Variants in OR6C74 observed in about 807,000 individuals in gnomAD.
OR6C74 encodes the protein olfactory receptor 6C74.
For missense variants in OR6C74, 361 were observed against 362.9 expected (o/e 0.99, Z 0.04); for synonymous variants, 142 against 134.2 (o/e 1.06, Z -0.40).
chr12:55,255,204 G>C lies in OR6C74; in HGVS notation c.*6978G>C, dbSNP rs1458414194. On this transcript the variant is annotated 3_prime_UTR_variant, in exon 2 of 2. Coordinates refer to ENST00000343399, the MANE Select transcript of OR6C74 (RefSeq NM_001005490.2). ...CCTAAGTTCAGGATTTCACAGTTGT[G>C]TTACAGACTGATTGTGTCTGCTCTA... is the stretch of plus-strand genomic sequence containing the variant. Among the ~76,000 whole-genome samples the C allele has an allele frequency of 6.6e-6, 1 of 151,980 alleles. No individual in the cohort carries two copies. The highest frequency in any genetic ancestry group is 1.9e-4 in the East Asian group (1 of 5,158).
intron 1 of OR6C74, among the ~76,000 whole-genome samples, chr12:55,245,500 A>G (rs1164869044): frequency 6.6e-6 from 1 of 152,068 alleles, no homozygotes. Context: ...TCATATCCCA[A>G]AGGAATCTAT....
Position 55,251,728 on chromosome 12 carries a change from C to T in OR6C74, c.*3502C>T, listed in dbSNP as rs1007967030. Among the ~76,000 whole-genome samples, 4 of 151,518 alleles carry T rather than the reference C, an allele frequency of 2.6e-5. No individual in the cohort carries two copies. The highest frequency in any genetic ancestry group is 4.8e-5 in the African/African-American group (2 of 41,320). ...TTCAATTGTATGATACAATAAAGTC[C>T]CATTGTATCATACATATCTCAAAAA... is the stretch of plus-strand genomic sequence containing the variant. On this transcript the variant is annotated 3_prime_UTR_variant, in exon 2 of 2. Coordinates refer to ENST00000343399, the MANE Select transcript of OR6C74 (RefSeq NM_001005490.2).
At position 55,251,610 on chromosome 12, in the gene OR6C74, A is replaced by G. The variant is rs531650644; in HGVS notation, c.*3384A>G. 6.6e-6 allele frequency among the ~76,000 whole-genome samples: 1 copy of G among 151,956 alleles called. No individual in the cohort carries two copies. Among genetic ancestry groups the G allele is most frequent in the South Asian group, 2.1e-4 (1 of 4,832 alleles). On this transcript the variant is annotated 3_prime_UTR_variant, in exon 2 of 2. Transcript: ENST00000343399. Reference sequence around the variant, plus strand: ...TACTATAAAATAATTAATAGATTGGACTTGATGACAGGCAATATGAAAAAA... The same window carrying G: ...TACTATAAAATAATTAATAGATTGGGCTTGATGACAGGCAATATGAAAAAA...
rs1188593402 is a variant in OR6C74 at position 55,251,183 on chromosome 12, T to C, written c.*2957T>C. 6.6e-6 allele frequency among the ~76,000 whole-genome samples: 1 copy of C among 152,120 alleles called. No individual in the cohort carries two copies. The highest frequency in any genetic ancestry group is 1.5e-5 in the Non-Finnish European group (1 of 67,992). On this transcript the variant is annotated 3_prime_UTR_variant, in exon 2 of 2. Transcript: ENST00000343399. ...TAAGTATATTGCAAAACTTGTGTGC[T>C]GTCACGTATATTGAATGCCTGCCCA...
chr12:55,252,834 T>G lies in OR6C74; in HGVS notation c.*4608T>G, dbSNP rs1048113817. ...ATTCTCTTCAATGTGTCTTTTAAAA[T>G]ACTTTACATAAGAAATTCTGATTCT... On this transcript the variant is annotated 3_prime_UTR_variant, in exon 2 of 2. Coordinates refer to ENST00000343399, the MANE Select transcript of OR6C74 (RefSeq NM_001005490.2). Among the ~76,000 whole-genome samples, 3 of 152,052 alleles carry G rather than the reference T, an allele frequency of 2.0e-5. No individual in the cohort carries two copies. Among genetic ancestry groups the G allele is most frequent in the Non-Finnish European group, 4.4e-5 (3 of 67,942 alleles).
rs779704807 is a variant in OR6C74, at chr12:55,247,440, G to T, written c.153G>T (p.Leu51Phe). 2.5e-6 allele frequency: 4 copies of T among 1,613,688 alleles called. No homozygotes were observed. Among genetic ancestry groups the T allele is most frequent in the South Asian group, 1.1e-5 (1 of 91,054 alleles). Residue 51 changes from leucine to phenylalanine, a missense_variant, in exon 2 of 2, where the codon TTG (leucine) becomes TTT (phenylalanine). Transcript: ENST00000343399. ...LTIITLTLLDLHLKTPMYFFL... is the reference protein window; with the variant it reads ...LTIITLTLLDFHLKTPMYFFL... Reference sequence around the variant, plus strand: ...TCATCACTCTCACCCTACTGGATTTGCATCTCAAGACACCCATGTATTTCT... The same window carrying T: ...TCATCACTCTCACCCTACTGGATTTTCATCTCAAGACACCCATGTATTTCT...
chr12:55,249,276 A>G lies in OR6C74; in HGVS notation c.*1050A>G, dbSNP rs1045323307. ...GAGTATTTAAAAACTTTTCCTTTCAATAGTACCCTATCTCAGTGTTATAAG... is the reference window on the plus strand; with the variant it reads ...GAGTATTTAAAAACTTTTCCTTTCAGTAGTACCCTATCTCAGTGTTATAAG... On this transcript the variant is annotated 3_prime_UTR_variant, in exon 2 of 2. Coordinates refer to ENST00000343399, the MANE Select transcript of OR6C74 (RefSeq NM_001005490.2). 1.3e-5 allele frequency among the ~76,000 whole-genome samples: 2 copies of G among 152,106 alleles called. No homozygotes were observed. The highest frequency in any genetic ancestry group is 2.9e-5 in the Non-Finnish European group (2 of 67,996).
rs1954305211 is a variant in OR6C74, at chr12:55,250,514, C to T, written c.*2288C>T. On this transcript the variant is annotated 3_prime_UTR_variant, in exon 2 of 2. Transcript: ENST00000343399. ...GGAAAGAAACCCTAGGCCTAAGTTA[C>T]GATGGGAAAAGATTAGTGAAGATCA... Among the ~76,000 whole-genome samples the T allele has an allele frequency of 2.6e-5, 4 of 151,828 alleles. No individual in the cohort carries two copies. Among genetic ancestry groups the T allele is most frequent in the African/African-American group, 7.3e-5 (3 of 41,336 alleles).
chr12:55,246,650 A>T lies in OR6C74; in HGVS notation c.-9-629A>T, dbSNP rs555482287. On this transcript the variant is annotated intron_variant, in intron 1 of 1. Coordinates refer to ENST00000343399, the MANE Select transcript of OR6C74 (RefSeq NM_001005490.2). ...TAAATACAGAAAAGAGAACAAGCAGAGTGAGTGAGATAAATGTAAATTCAA... is the reference window on the plus strand; with the variant it reads ...TAAATACAGAAAAGAGAACAAGCAGTGTGAGTGAGATAAATGTAAATTCAA... 7.2e-4 allele frequency among the ~76,000 whole-genome samples: 110 copies of T among 152,328 alleles called. 1 individual carries two copies. In the South Asian group the frequency reaches 0.01, roughly 14 times the overall value.
In OR6C74 at chr12:55,248,209, C is replaced by T; in HGVS notation, c.922C>T (p.Leu308Phe). The change falls in exon 2 of 2, where the codon CTT becomes TTT. Residue 308 changes from leucine (L) to phenylalanine (F), a missense_variant. Leu to Phe is a conservative substitution (Grantham distance 22, BLOSUM62 0). Coordinates refer to ENST00000343399, the MANE Select transcript of OR6C74 (RefSeq NM_001005490.2). ...VFKHTVKKIE[L>F]FSMK ...TAAGCACACAGTCAAAAAGATTGAA[C>T]TTTTCTCAATGAAATGAATCACTTT... is the stretch of plus-strand genomic sequence containing the variant. 6.2e-7 allele frequency: 1 copy of T among 1,600,758 alleles called. No homozygotes were observed. Among genetic ancestry groups the T allele is most frequent in the Non-Finnish European group, 8.5e-7 (1 of 1,170,156 alleles).
chr12:55,248,502 C>A lies in OR6C74; in HGVS notation c.*276C>A, dbSNP rs930045341. On this transcript the variant is annotated 3_prime_UTR_variant, in exon 2 of 2. Coordinates refer to ENST00000343399, the MANE Select transcript of OR6C74 (RefSeq NM_001005490.2). ...CTCTCAAAATTCTCTCAGAGGAAGA[C>A]AAAGTGAGACTTCAGTTTTTCCATG... Among the ~76,000 whole-genome samples, 5 of 152,106 alleles carry A rather than the reference C, an allele frequency of 3.3e-5. No individual in the cohort carries two copies. Among genetic ancestry groups the A allele is most frequent in the Non-Finnish European group, 5.9e-5 (4 of 68,010 alleles).
rs1954309384 is a variant in OR6C74, at chr12:55,251,243, T to C, written c.*3017T>C. Among the ~76,000 whole-genome samples the C allele has an allele frequency of 6.6e-6, 1 of 152,058 alleles. No individual in the cohort carries two copies. Among genetic ancestry groups the C allele is most frequent in the South Asian group, 2.1e-4 (1 of 4,834 alleles). ...TCTCTGTTAGCTTGCAAAACTTCAA[T>C]CAGTTAAAGTTAATTAACATGGAGA... On this transcript the variant is annotated 3_prime_UTR_variant, in exon 2 of 2. Transcript: ENST00000343399.
chr12:55,253,090 T>C lies in OR6C74; in HGVS notation c.*4864T>C, dbSNP rs187259246. Among the ~76,000 whole-genome samples, 78 of 152,168 alleles carry C rather than the reference T, an allele frequency of 5.1e-4. No individual in the cohort carries two copies. Among genetic ancestry groups the C allele is most frequent in the African/African-American group, 1.8e-3 (76 of 41,556 alleles). Reference sequence around the variant, plus strand: ...TGTGGAATAAATGATGGCAAAGGGCTAGAGTACAAAGGTATACCATTTTAT... The same window carrying C: ...TGTGGAATAAATGATGGCAAAGGGCCAGAGTACAAAGGTATACCATTTTAT... On this transcript the variant is annotated 3_prime_UTR_variant, in exon 2 of 2. Coordinates refer to ENST00000343399, the MANE Select transcript of OR6C74 (RefSeq NM_001005490.2).
In OR6C74 at chr12:55,248,682, A is replaced by G. The variant is rs1026972318; in HGVS notation, c.*456A>G. Among the ~76,000 whole-genome samples, 1 of 151,494 alleles carries G rather than the reference A, an allele frequency of 6.6e-6. No individual in the cohort carries two copies. The highest frequency in any genetic ancestry group is 2.5e-5 in the African/African-American group (1 of 40,732). The stretch of plus-strand genomic sequence containing the variant: ...TTTCTTAGTGTTTAGTAGAATCTCG[A>G]AGCAAATCAATTTAATGGCATTTCT... On this transcript the variant is annotated 3_prime_UTR_variant, in exon 2 of 2. Coordinates refer to ENST00000343399, the MANE Select transcript of OR6C74 (RefSeq NM_001005490.2).
chr12:55,246,114 T>G (rs185274125), intron 1 of OR6C74, among the ~76,000 whole-genome samples: 1 of 152,218 alleles, frequency 6.6e-6, no homozygotes. Flanking sequence ...TAAGAAAAAC[T>G]TGGTGATGAT....
In OR6C74 at chr12:55,254,595, A is replaced by G. The variant is rs1044904583; in HGVS notation, c.*6369A>G. 6.6e-6 allele frequency among the ~76,000 whole-genome samples: 1 copy of G among 152,116 alleles called. No individual in the cohort carries two copies. Among genetic ancestry groups the G allele is most frequent in the East Asian group, 1.9e-4 (1 of 5,180 alleles). ...GTCATGGGAACTTCATGATTTGCTG[A>G]TTATTGTATAATTCAAGATAATAAT... On this transcript the variant is annotated 3_prime_UTR_variant, in exon 2 of 2. Transcript: ENST00000343399.
At position 55,251,654 on chromosome 12, in the gene OR6C74, C is replaced by T. The variant is rs1954312136; in HGVS notation, c.*3428C>T. ...GAAAAAAAAATTAGGTGTTAGAAAA[C>T]TACAAGTTTACTATAAATATGGAGT... On this transcript the variant is annotated 3_prime_UTR_variant, in exon 2 of 2. Coordinates refer to ENST00000343399, the MANE Select transcript of OR6C74 (RefSeq NM_001005490.2). Among the ~76,000 whole-genome samples the T allele has an allele frequency of 6.6e-6, 1 of 151,574 alleles. No homozygotes were observed.
In OR6C74 at chr12:55,247,325, T is replaced by G; in HGVS notation, c.38T>G (p.Leu13Arg). 6.2e-7 allele frequency: 1 copy of G among 1,611,544 alleles called. No homozygotes were observed. The highest frequency in any genetic ancestry group is 8.5e-7 in the Non-Finnish European group (1 of 1,177,934). The change falls in exon 2 of 2, where the codon CTT becomes CGT. Residue 13 changes from leucine (L) to arginine (R), a missense_variant. By Grantham distance (102) the Leu-to-Arg change is moderately radical. Transcript: ENST00000343399. ...ACAACAGTAGCAAACTTTATTCTTC[T>G]TGGACTGACAGATGATCCACAATTA... ...NHTTVANFILLGLTDDPQLQV... is the reference protein window; with the variant it reads ...NHTTVANFILRGLTDDPQLQV...
rs1478804967 is a variant in OR6C74, at chr12:55,253,213, G to T, written c.*4987G>T. Among the ~76,000 whole-genome samples the T allele has an allele frequency of 6.6e-6, 1 of 151,952 alleles. No individual in the cohort carries two copies. Among genetic ancestry groups the T allele is most frequent in the African/African-American group, 2.4e-5 (1 of 41,390 alleles). ...GATATTTAGTGCCAGAATTATTTTT[G>T]ATTTATTCTAGTAAATGGGCCATAA... On this transcript the variant is annotated 3_prime_UTR_variant, in exon 2 of 2. Coordinates refer to ENST00000343399, the MANE Select transcript of OR6C74 (RefSeq NM_001005490.2).
Sources: allele counts gnomAD v4.1 joint callset (sites outside exome capture counted in the v4.1 genomes callset), GRCh38; gene constraint gnomAD v4.1.1; transcripts MANE v1.5; gene names NCBI Gene and HGNC (gene_info 2026-07-23, HGNC 2026-07-21).